Variants in HEATR5B observed in about 807,000 individuals in gnomAD.
HEATR5B encodes the protein HEAT repeat-containing protein 5B.
HEATR5B carries 156 observed loss-of-function variants against 224.1 expected under a neutral mutation model. The ratio of observed to expected loss-of-function variants is 0.70; its 90% CI spans 0.61 to 0.80. The LOEUF (loss-of-function observed/expected upper bound fraction) is 0.80, where lower values mean the gene tolerates loss of function less well. Ranked by LOEUF, HEATR5B falls within the 30% of genes least tolerant of loss-of-function variation. The probability of loss-of-function intolerance (pLI) is 0.00; values close to 1 mark genes in which losing one functional copy is unlikely to be tolerated. For missense variants in HEATR5B, 2,323 were observed against 2,535.5 expected (o/e 0.92, Z 1.80); for synonymous variants, 1,027 against 893.0 (o/e 1.15, Z -2.68).
At chr2:37,067,908 T>C (rs192314130) in intron 8 of HEATR5B, among the ~76,000 whole-genome samples, 1 of 152,192 alleles carries the variant, frequency 6.6e-6, no homozygotes, top group African/African-American at 2.4e-5. Context: ...AAATAAATTA[T>C]TGATATTTAT....
At position 37,014,032 on chromosome 2, in the gene HEATR5B, G is replaced by T. The variant is rs775223852; in HGVS notation, c.4105-12C>A. The T allele has an allele frequency of 6.8e-7, 1 of 1,474,548 alleles. No individual in the cohort carries two copies. 91.3% of individuals were successfully genotyped at this position (1,474,548 alleles called of 1,614,324 possible). A position where few individuals can be genotyped will look rare whatever the true frequency, so the allele number is the denominator to read the frequency against. On this transcript the variant is annotated splice_polypyrimidine_tract_variant and intron_variant, in intron 26 of 35. Coordinates refer to ENST00000233099, the MANE Select transcript of HEATR5B (RefSeq NM_019024.3). ...CATGTACTACATACCTAGACAAAGA[G>T]AATTCAAAAACTTTTGTGTAAAAAA...
chr2:37,065,901 A>G lies in HEATR5B; in HGVS notation c.1187T>C (p.Val396Ala). The G allele has an allele frequency of 6.2e-7, 1 of 1,605,644 alleles. No homozygotes were observed. Among genetic ancestry groups the G allele is most frequent in the Non-Finnish European group, 8.5e-7 (1 of 1,173,820 alleles). The change falls in exon 9 of 36, where the codon GTG becomes GCG. Residue 396 changes from valine (V) to alanine (A), a missense_variant. Physicochemically the swap from Val to Ala is moderately conservative, Grantham distance 64 (BLOSUM62 0). Around this residue, in one of 12 missense-constraint regions of HEATR5B, gnomAD observed 502 missense variants for 517.8 expected, o/e 0.97. Coordinates refer to ENST00000233099, the MANE Select transcript of HEATR5B (RefSeq NM_019024.3). ...TTTGTTTTCTCCACTTGTGTCATTC[A>G]CTACTGCTTCTGGAAACACAAAATC... ...GKQMKAVEAV[V>A]NDTSGENKSG...
At chr2:37,081,909 CTAAAA>C (rs70949727) in intron 2 of HEATR5B, among the ~76,000 whole-genome samples, 129,808 of 151,552 alleles carry the variant, frequency 0.86, 56,412 homozygotes, top group East Asian at 1. Context: ...CTACAGAAAC[CTAAAA>C]TACTAAGGTC....
At chr2:37,058,388 C>CT in intron 14 of HEATR5B, 63 bp downstream of exon 14, 1 of 925,922 alleles carries the variant, frequency 1.1e-6, no homozygotes, top group Non-Finnish European at 1.8e-6. Context: ...TGTCAAGACT[C>CT]TATAATACGG....
chr2:37,065,638 C>A lies in HEATR5B; in HGVS notation c.1333+117G>T, dbSNP rs1341792998. 7 of 891,286 alleles carry A rather than the reference C, an allele frequency of 7.9e-6. No homozygotes were observed. In the South Asian group the frequency reaches 1.0e-4, roughly 13 times the overall value. 55.2% of individuals were successfully genotyped at this position (891,286 alleles called of 1,614,324 possible). On this transcript the variant is annotated intron_variant, in intron 9 of 35. Coordinates refer to ENST00000233099, the MANE Select transcript of HEATR5B (RefSeq NM_019024.3). ...ACAATGAATATTAATTTAAGTAAAACCTGATGATCTGAAGTGCTAATGATG... is the reference window on the plus strand; with the variant it reads ...ACAATGAATATTAATTTAAGTAAAAACTGATGATCTGAAGTGCTAATGATG...
At chr2:37,047,981 C>T (rs1332625638) in intron 18 of HEATR5B, among the ~76,000 whole-genome samples, 1 of 151,852 alleles carries the variant, frequency 6.6e-6, no homozygotes, top group South Asian at 2.1e-4. Context: ...CAGAAAAATC[C>T]CAGTTTTAAA....
intron 9 of HEATR5B, 39 bp from the exon 10 acceptor site, chr2:37,065,029 G>A (rs202059345): frequency 6.3e-7 from 1 of 1,586,004 alleles, no homozygotes; most frequent in East Asian, 2.3e-5. Flanking sequence ...CTTTAATGAA[G>A]TCAAATGATT....
chr2:37,078,209 C>T (rs925080184), intron 3 of HEATR5B, among the ~76,000 whole-genome samples: 3 of 152,182 alleles, frequency 2.0e-5, no homozygotes, highest in African/African-American at 7.2e-5. Context: ...GAGCAATTTA[C>T]AGATAAGAGA....
chr2:36,998,426 A>G (rs1219515016), intron 33 of HEATR5B, among the ~76,000 whole-genome samples: 3 of 152,246 alleles, frequency 2.0e-5, no homozygotes, highest in Admixed American at 6.5e-5. Flanking sequence ...GGGAAAATAC[A>G]GATTATCATG....
chr2:37,065,949 G>A, intron 8 of HEATR5B, 39 bp from the exon 9 acceptor site: 3 of 1,564,438 alleles, frequency 1.9e-6, no homozygotes, highest in Non-Finnish European at 2.6e-6. Context: ...TAGGAGAAAT[G>A]AATTGTGGTA....
At chr2:37,046,960 G>C (rs1379280848) in intron 18 of HEATR5B, among the ~76,000 whole-genome samples, 1 of 134,612 alleles carries the variant, frequency 7.4e-6, no homozygotes, top group Non-Finnish European at 1.5e-5. Flanking sequence ...TAAGGAAGGA[G>C]AATCACTTGA....
At chr2:36,988,271 CT>C (rs1304666993) in intron 35 of HEATR5B, among the ~76,000 whole-genome samples, 12 of 146,810 alleles carry the variant, frequency 8.2e-5, no homozygotes, top group Admixed American at 1.4e-4. Context: ...TTTTTCTTTT[CT>C]TTTTTTTTTG....
chr2:37,059,598 G>A (rs530326255), intron 12 of HEATR5B, among the ~76,000 whole-genome samples: 1 of 150,172 alleles, frequency 6.7e-6, no homozygotes, highest in South Asian at 2.1e-4. Context: ...TGAGTAGCTG[G>A]GACTACAGGC....
At chr2:37,000,423 C>A (rs1362147815) in intron 33 of HEATR5B, among the ~76,000 whole-genome samples, 163 bp downstream of exon 33, 1 of 152,148 alleles carries the variant, frequency 6.6e-6, no homozygotes, top group East Asian at 1.9e-4. Flanking sequence ...AGTCAACAAT[C>A]CAGAAAAGAG....
At chr2:37,024,015 T>C (rs537398563) in intron 24 of HEATR5B, among the ~76,000 whole-genome samples, 34 of 152,316 alleles carry the variant, frequency 2.2e-4, no homozygotes, top group African/African-American at 7.5e-4. Context: ...CCAACCTGTG[T>C]CTATCAATTG....
chr2:37,044,658 T>C (rs1193079738), intron 18 of HEATR5B, among the ~76,000 whole-genome samples: 4 of 152,216 alleles, frequency 2.6e-5, no homozygotes, highest in African/African-American at 9.6e-5. Flanking sequence ...GAGAAGCATA[T>C]ATTTACATTT....
intron 17 of HEATR5B, among the ~76,000 whole-genome samples, chr2:37,052,388 A>C (rs569147139): frequency 2.6e-5 from 4 of 152,258 alleles, no homozygotes; most frequent in African/African-American, 9.6e-5. Flanking sequence ...TTCTACTCAC[A>C]AACTTAATGC....
At chr2:37,003,204 G>A (rs562818334) in intron 31 of HEATR5B, among the ~76,000 whole-genome samples, 7 of 142,538 alleles carry the variant, frequency 4.9e-5, no homozygotes, top group African/African-American at 1.6e-4. Flanking sequence ...GCAGTAAGCC[G>A]AGATTGCACC....
intron 16 of HEATR5B, 96 bp downstream of exon 16, chr2:37,056,344 T>A (rs1670911985): frequency 1.3e-6 from 1 of 779,662 alleles, no homozygotes; most frequent in African/African-American, 1.8e-5. Flanking sequence ...TTATAATAAC[T>A]CACTTTATTG....
Sources: allele counts gnomAD v4.1 joint callset (sites outside exome capture counted in the v4.1 genomes callset), GRCh38; gene constraint gnomAD v4.1.1; regional missense constraint gnomAD v4.1.1; transcripts MANE v1.5; gene names NCBI Gene and HGNC (gene_info 2026-07-23, HGNC 2026-07-21).